Variants in SESTD1 observed in about 807,000 individuals in gnomAD.
The protein encoded by SESTD1 is SEC14 and spectrin domain containing 1, also known as SEC14 domain and spectrin repeat-containing protein 1.
In SESTD1, 43 loss-of-function variants were observed where a neutral mutation model predicts 101.7. The ratio of observed to expected loss-of-function variants is 0.42; its 90% confidence interval spans 0.33 to 0.55. SESTD1 has a LOEUF of 0.55. Among genes scored for constraint, SESTD1 ranks in the 20% least tolerant of loss-of-function variants. SESTD1 has a pLI of 0.07. For missense variants in SESTD1, 647 were observed against 815.1 expected (o/e 0.79, Z 2.51); for synonymous variants, 283 against 286.8 (o/e 0.99, Z 0.13).
At chr2:179,178,817 G>A (rs947414047) in intron 3 of SESTD1, among the ~76,000 whole-genome samples, 1 of 152,164 alleles carries the variant, frequency 6.6e-6, no homozygotes, top group African/African-American at 2.4e-5. Flanking sequence ...TCCCTGAGAT[G>A]CAGGTTACAC....
At chr2:179,225,152 C>T (rs1397629621) in intron 1 of SESTD1, among the ~76,000 whole-genome samples, 2 of 152,094 alleles carry the variant, frequency 1.3e-5, no homozygotes, top group Non-Finnish European at 2.9e-5. Flanking sequence ...ACAGGATACC[C>T]AGTTGGTGTC....
intron 9 of SESTD1, among the ~76,000 whole-genome samples, chr2:179,140,309 G>A (rs1000601031): frequency 6.6e-6 from 1 of 152,094 alleles, no homozygotes; most frequent in Non-Finnish European, 1.5e-5. Flanking sequence ...CTTTAAAGAG[G>A]TAATTAACCT....
rs539779936 is a variant in SESTD1 at position 179,161,183 on chromosome 2, A to G, written c.370-9792T>C. The stretch of plus-strand genomic sequence containing the variant: ...GTAATCCTGCCATCTCAGCCTCCCA[A>G]AGTGTTGGGATTACAGGTGTGGGCC... On this transcript the variant is annotated intron_variant, in intron 5 of 17. Transcript: ENST00000428443. Among the ~76,000 whole-genome samples, 48 of 151,748 alleles carry G rather than the reference A, an allele frequency of 3.2e-4. 1 individual carries two copies. The highest frequency in any genetic ancestry group is 2.1e-4 in the South Asian group (1 of 4,776).
rs564062050 is a variant in SESTD1 at position 179,196,186 on chromosome 2, C to T, written c.-25-4320G>A. ...GGAGTTCCCTTTCCTAGTCAAAGAA[C>T]GGGGTGACAGATGGCACCTGGAAAA... On this transcript the variant is annotated intron_variant, in intron 1 of 17. Coordinates refer to ENST00000428443, the MANE Select transcript of SESTD1 (RefSeq NM_178123.5). Among the ~76,000 whole-genome samples, 47 of 152,322 alleles carry T rather than the reference C, an allele frequency of 3.1e-4. No individual in the cohort carries two copies. The South Asian group carries it at 7.7e-3, about 25-fold the overall frequency.
chr2:179,176,297 G>T, intron 4 of SESTD1, 151 bp downstream of exon 4: 1 of 577,820 alleles, frequency 1.7e-6, no homozygotes, highest in East Asian at 2.9e-5. Context: ...AGTTGAATTT[G>T]AACAATCCAA....
intron 5 of SESTD1, among the ~76,000 whole-genome samples, chr2:179,155,073 C>T (rs10196366): frequency 0.26 from 38,811 of 151,760 alleles, 5,370 homozygotes; most frequent in South Asian, 0.42. Context: ...CCACCATGCT[C>T]GGCTCATTTT....
chr2:179,148,383 G>A (rs1440180960), intron 7 of SESTD1, among the ~76,000 whole-genome samples: 2 of 152,138 alleles, frequency 1.3e-5, no homozygotes, highest in Admixed American at 6.5e-5. Context: ...CTGAGGAGGA[G>A]GACTTGCTCT....
Position 179,107,246 on chromosome 2 carries a change from A to C in SESTD1, c.*2653T>G, listed in dbSNP as rs1458864678. 1 of 152,182 alleles carries C rather than the reference A, an allele frequency of 6.6e-6. No homozygotes were observed. Among genetic ancestry groups the C allele is most frequent in the Non-Finnish European group, 1.5e-5 (1 of 68,024 alleles). 9.4% of individuals were successfully genotyped at this position (152,182 alleles called of 1,614,324 possible). A position where few individuals can be genotyped will look rare whatever the true frequency, so the allele number is the denominator to read the frequency against. On this transcript the variant is annotated 3_prime_UTR_variant, in exon 18 of 18. Coordinates refer to ENST00000428443, the MANE Select transcript of SESTD1 (RefSeq NM_178123.5). The stretch of plus-strand genomic sequence containing the variant: ...TTACTGGATTTTCATTCATAACTCT[A>C]TGTACAGATACACATATGAAAGCAG...
chr2:179,151,429 C>A, intron 5 of SESTD1, 38 bp from the exon 6 acceptor site: 2 of 1,475,848 alleles, frequency 1.4e-6, no homozygotes, highest in Non-Finnish European at 1.8e-6. Flanking sequence ...ATTTAGTAAC[C>A]CACTATTAAA....
At chr2:179,239,552 T>C (rs910938575) in intron 1 of SESTD1, among the ~76,000 whole-genome samples, 6 of 152,128 alleles carry the variant, frequency 3.9e-5, no homozygotes, top group African/African-American at 1.4e-4. Flanking sequence ...GGGGAGCTTT[T>C]AAAAAATATA....
Position 179,108,673 on chromosome 2 carries a change from A to G in SESTD1, c.*1226T>C, listed in dbSNP as rs2044440944. 1 of 152,050 alleles carries G rather than the reference A, an allele frequency of 6.6e-6. No homozygotes were observed. Among genetic ancestry groups the G allele is most frequent in the Non-Finnish European group, 1.5e-5 (1 of 68,000 alleles). The allele number at this position is 152,050 out of a possible 1,614,324, so 9.4% of individuals were successfully genotyped here. On this transcript the variant is annotated 3_prime_UTR_variant, in exon 18 of 18. Transcript: ENST00000428443. ...AGGAACCAGTATACAACTCGTTTAT[A>G]ATTTTGTAATGACTACAAGACTAAA...
intron 1 of SESTD1, among the ~76,000 whole-genome samples, chr2:179,217,973 C>A (rs563466784): frequency 6.6e-6 from 1 of 151,696 alleles, no homozygotes; most frequent in African/African-American, 2.4e-5. Context: ...CACACTGGGG[C>A]CTGTTGGGGG....
intron 1 of SESTD1, among the ~76,000 whole-genome samples, chr2:179,247,410 G>GTTTGTTTTTGTT (rs527647927): frequency 2.0e-5 from 3 of 151,890 alleles, no homozygotes; most frequent in African/African-American, 7.3e-5. Context: ...CAAATATTTT[G>GTTTGTTTTTGTT]TTTGTTTTTG....
At chr2:179,135,330 A>G (rs570666944) in intron 9 of SESTD1, among the ~76,000 whole-genome samples, 1 of 152,166 alleles carries the variant, frequency 6.6e-6, no homozygotes, top group African/African-American at 2.4e-5. Context: ...GATTGAATAC[A>G]TTGCAAATGT....
At chr2:179,198,129 T>C (rs531717889) in intron 1 of SESTD1, among the ~76,000 whole-genome samples, 2 of 151,856 alleles carry the variant, frequency 1.3e-5, no homozygotes, top group South Asian at 2.1e-4. Context: ...ACCAAGCAAA[T>C]GGAAAACAAA....
At chr2:179,151,524 T>C (rs2045530128) in intron 5 of SESTD1, 133 bp from the exon 6 acceptor site, 2 of 504,764 alleles carry the variant, frequency 4.0e-6, no homozygotes, top group Non-Finnish European at 6.7e-6. Context: ...ATTTACTTAA[T>C]ACAATATTTA....
intron 1 of SESTD1, among the ~76,000 whole-genome samples, chr2:179,247,222 GTTTT>G (rs1020478461): frequency 6.9e-6 from 1 of 143,932 alleles, no homozygotes; most frequent in Non-Finnish European, 1.5e-5. Flanking sequence ...GATCAGGGTA[GTTTT>G]TTTTTTTTAA....
chr2:179,186,461 T>C (rs1186359004), intron 2 of SESTD1, among the ~76,000 whole-genome samples: 1 of 152,086 alleles, frequency 6.6e-6, no homozygotes, highest in East Asian at 1.9e-4. Context: ...ACTCCTCCAG[T>C]GTACTGAAAC....
chr2:179,230,099 A>C (rs2046960787), intron 1 of SESTD1, among the ~76,000 whole-genome samples: 1 of 138,274 alleles, frequency 7.2e-6, no homozygotes, highest in Admixed American at 8.2e-5. Flanking sequence ...AATATTCCAA[A>C]CTGGATTGTA....
Sources: allele counts gnomAD v4.1 joint callset (sites outside exome capture counted in the v4.1 genomes callset), GRCh38; gene constraint gnomAD v4.1.1; transcripts MANE v1.5; gene names NCBI Gene and HGNC (gene_info 2026-07-23, HGNC 2026-07-21).